The following MLLT10 variants were observed in gnomAD, a reference collection of about 807,000 sequenced individuals.
MLLT10 encodes the protein MLLT10 histone lysine methyltransferase DOT1L cofactor, also known as protein AF-10.
MLLT10 carries 30 observed loss-of-function variants against 129.1 expected under a neutral mutation model. The ratio of observed to expected loss-of-function variants is 0.23; its 90% CI spans 0.17 to 0.32. The LOEUF (loss-of-function observed/expected upper bound fraction) is 0.32. MLLT10 is among the 10% of genes least tolerant of loss of function. The pLI, the probability that MLLT10 is intolerant of heterozygous loss-of-function variation, is 1.00. For missense variants in MLLT10, 1,119 were observed against 1,268.3 expected (o/e 0.88, Z 1.79); for synonymous variants, 490 against 446.4 (o/e 1.10, Z -1.23).
At chr10:21,666,490 C>G (rs907797809) in intron 9 of MLLT10, among the ~76,000 whole-genome samples, 1 of 151,720 alleles carries the variant, frequency 6.6e-6, no homozygotes, top group Admixed American at 6.6e-5. Context: ...ATGGTGAAAC[C>G]GCTCTCTACT....
At chr10:21,542,802 A>C (rs1278555682) in intron 3 of MLLT10, among the ~76,000 whole-genome samples, 1 of 152,136 alleles carries the variant, frequency 6.6e-6, no homozygotes, top group Non-Finnish European at 1.5e-5. Context: ...AGGAGGATCC[A>C]TTGAGCCTGT....
chr10:21,735,330 T>A, intron 21 of MLLT10, 95 bp downstream of exon 21: 1 of 1,066,834 alleles, frequency 9.4e-7, no homozygotes, highest in Non-Finnish European at 1.4e-6. Flanking sequence ...TGAAATAACA[T>A]TATTGAATGC....
chr10:21,563,705 CTG>C (rs1434800851), intron 3 of MLLT10, among the ~76,000 whole-genome samples: 2 of 151,896 alleles, frequency 1.3e-5, no homozygotes, highest in Non-Finnish European at 2.9e-5. Flanking sequence ...AAGAATAAAA[CTG>C]TTATAAACAT....
At chr10:21,660,022 C>A (rs1341355093) in intron 9 of MLLT10, among the ~76,000 whole-genome samples, 1 of 151,736 alleles carries the variant, frequency 6.6e-6, no homozygotes, top group Non-Finnish European at 1.5e-5. Context: ...GTTGCCCGGG[C>A]TGGAGTGCAG....
chr10:21,586,767 G>A (rs550308361), intron 4 of MLLT10, among the ~76,000 whole-genome samples: 1 of 152,068 alleles, frequency 6.6e-6, no homozygotes, highest in African/African-American at 2.4e-5. Context: ...CCTGCCTGTA[G>A]TCCCAGCTAC....
intron 8 of MLLT10, chr10:21,624,893 T>C: frequency 8.3e-7 from 1 of 1,210,886 alleles, no homozygotes; most frequent in Non-Finnish European, 1.2e-6. Context: ...GTCCCAAAGG[T>C]GCCCCCTTTT....
intron 5 of MLLT10, among the ~76,000 whole-genome samples, chr10:21,601,022 T>C (rs1384478371): frequency 6.6e-6 from 1 of 152,160 alleles, no homozygotes. Flanking sequence ...CAGCTCACTG[T>C]AGCTTCTACT....
chr10:21,602,360 T>A (rs74120978), intron 5 of MLLT10, among the ~76,000 whole-genome samples: 100 of 152,272 alleles, frequency 6.6e-4, no homozygotes, highest in Middle Eastern at 3.4e-3. Flanking sequence ...TTATTTATTT[T>A]TTTTTGAAAG....
At chr10:21,661,520 G>C (rs1244435552) in intron 9 of MLLT10, 6 of 151,998 alleles carry the variant, frequency 3.9e-5, no homozygotes, top group Non-Finnish European at 8.8e-5. Flanking sequence ...ACTCTCTTTA[G>C]TCCTGATAAC....
chr10:21,632,955 G>T (rs1028028805), intron 8 of MLLT10, among the ~76,000 whole-genome samples: 3 of 151,982 alleles, frequency 2.0e-5, no homozygotes, highest in African/African-American at 4.8e-5. Context: ...AATCTCTTAG[G>T]ATCTATTAAA....
At chr10:21,717,894 C>T (rs900968993) in intron 14 of MLLT10, among the ~76,000 whole-genome samples, 28 of 145,020 alleles carry the variant, frequency 1.9e-4, no homozygotes, top group Non-Finnish European at 2.7e-4. Context: ...TCCTTCTCCT[C>T]CTCCTCCTCC....
At chr10:21,704,563 G>A (rs1443067526) in intron 13 of MLLT10, among the ~76,000 whole-genome samples, 1 of 147,212 alleles carries the variant, frequency 6.8e-6, no homozygotes, top group African/African-American at 2.5e-5. Flanking sequence ...TTAATGGTAT[G>A]TGTTCCTACG....
At chr10:21,635,154 C>A (rs997890710) in intron 8 of MLLT10, among the ~76,000 whole-genome samples, 1 of 152,130 alleles carries the variant, frequency 6.6e-6, no homozygotes, top group Non-Finnish European at 1.5e-5. Flanking sequence ...GTTTCAGCTG[C>A]GTTTCTCAAA....
chr10:21,634,111 G>A (rs1056459787), intron 8 of MLLT10, among the ~76,000 whole-genome samples: 7 of 152,020 alleles, frequency 4.6e-5, no homozygotes, highest in East Asian at 1.9e-4. Context: ...GACGTGGCTC[G>A]TGCCTGTAAT....
intron 13 of MLLT10, among the ~76,000 whole-genome samples, chr10:21,696,086 C>T (rs2054332987): frequency 6.6e-6 from 1 of 151,656 alleles, no homozygotes; most frequent in Admixed American, 6.6e-5. Flanking sequence ...ATCTCTTTTC[C>T]TTTTGGGCAT....
intron 3 of MLLT10, chr10:21,556,718 G>A: frequency 6.2e-7 from 1 of 1,612,384 alleles, no homozygotes; most frequent in Non-Finnish European, 8.5e-7. Context: ...CTGCGCATGT[G>A]CATCTCCCCA....
chr10:21,597,859 C>CT (rs1333869485), intron 5 of MLLT10, among the ~76,000 whole-genome samples: 1 of 151,964 alleles, frequency 6.6e-6, no homozygotes, highest in Admixed American at 6.6e-5. Context: ...ATTCTGTGTT[C>CT]TTTTTTTTGC....
chr10:21,548,112 A>G (rs1368746035), intron 3 of MLLT10, among the ~76,000 whole-genome samples: 1 of 152,034 alleles, frequency 6.6e-6, no homozygotes, highest in Non-Finnish European at 1.5e-5. Flanking sequence ...ATTTTCCTGT[A>G]ACTAAAGATT....
chr10:21,715,386 T>C (rs2056464800), intron 14 of MLLT10, among the ~76,000 whole-genome samples: 1 of 152,222 alleles, frequency 6.6e-6, no homozygotes. Context: ...TTGACTACTT[T>C]AGCAGAGTTT....
Sources: gnomAD v4.1 joint callset for allele counts (sites outside exome capture counted in the v4.1 genomes callset) on GRCh38, gnomAD v4.1.1 for gene constraint, MANE v1.5 for transcripts, NCBI Gene and HGNC (gene_info 2026-07-23, HGNC 2026-07-21) for gene names.